GRM7: variants seen among roughly 807,000 people sequenced by gnomAD.
The protein encoded by GRM7 is metabotropic glutamate receptor 7.
In GRM7, 35 loss-of-function variants were observed where a neutral mutation model predicts 84.5. The observed-to-expected ratio is 0.41, with a 90% CI of 0.32 to 0.55. The LOEUF (loss-of-function observed/expected upper bound fraction) is 0.55, where lower values mean the gene tolerates loss of function less well. Ranked by LOEUF, GRM7 falls within the 20% of genes least tolerant of loss-of-function variation. The probability of loss-of-function intolerance (pLI) is 0.19; values close to 1 mark genes in which losing one functional copy is unlikely to be tolerated. For missense variants in GRM7, 1,003 were observed against 1,194.6 expected (o/e 0.84, Z 2.36); for synonymous variants, 487 against 455.1 (o/e 1.07, Z -0.89).
At chr3:6,925,128 T>C (rs903589114) in intron 1 of GRM7, among the ~76,000 whole-genome samples, 2 of 152,156 alleles carry the variant, frequency 1.3e-5, no homozygotes, top group Non-Finnish European at 2.9e-5. Context: ...AGACTTACTT[T>C]TGGGCAATCC....
chr3:7,257,804 T>G (rs1698264070), intron 2 of GRM7, among the ~76,000 whole-genome samples: 1 of 152,202 alleles, frequency 6.6e-6, no homozygotes, highest in Non-Finnish European at 1.5e-5. Flanking sequence ...TCCTTAACTT[T>G]TATTCCTTGG....
chr3:7,665,236 ATC>A (rs1278702093), intron 8 of GRM7, among the ~76,000 whole-genome samples: 1 of 146,790 alleles, frequency 6.8e-6, no homozygotes, highest in African/African-American at 2.6e-5. Flanking sequence ...CAGTGGCGCA[ATC>A]TCGGCTCACT....
At chr3:7,731,937 C>A (rs554087777) in intron 9 of GRM7, among the ~76,000 whole-genome samples, 2 of 152,110 alleles carry the variant, frequency 1.3e-5, no homozygotes, top group Admixed American at 6.6e-5. Context: ...TGGCCACTCC[C>A]ACCCCTTCCC....
chr3:7,215,461 T>G (rs527476187), intron 2 of GRM7, among the ~76,000 whole-genome samples: 3 of 151,932 alleles, frequency 2.0e-5, no homozygotes, highest in Non-Finnish European at 4.4e-5. Flanking sequence ...TCAGAAGATC[T>G]AGACCACCCT....
At chr3:6,923,744 G>T (rs556383732) in intron 1 of GRM7, among the ~76,000 whole-genome samples, 1 of 152,216 alleles carries the variant, frequency 6.6e-6, no homozygotes, top group South Asian at 2.1e-4. Context: ...TATTTCATTT[G>T]ATGTGTTTTT....
chr3:7,329,328 G>A (rs931985638), intron 4 of GRM7, among the ~76,000 whole-genome samples: 8 of 152,260 alleles, frequency 5.3e-5, no homozygotes, highest in Non-Finnish European at 7.4e-5. Flanking sequence ...CCTTTCAACC[G>A]TGCCTCGCCA....
intron 7 of GRM7, among the ~76,000 whole-genome samples, chr3:7,544,414 G>A (rs777162180): frequency 1.2e-4 from 19 of 152,008 alleles, no homozygotes; most frequent in South Asian, 2.1e-4. Flanking sequence ...CCTCAGCCTC[G>A]CAAAGCACCG....
rs537473005 is a variant in GRM7, at chr3:7,592,822, C to G, written c.2451+13465C>G. ...CGAGAAACCTTCACTTTCCTTCATA[C>G]CCTTAACAGACTTGTGTATATGCCA... On this transcript the variant is annotated intron_variant, in intron 8 of 9. Coordinates refer to ENST00000357716, the MANE Select transcript of GRM7 (RefSeq NM_000844.4). Among the ~76,000 whole-genome samples, 40 of 152,244 alleles carry G rather than the reference C, an allele frequency of 2.6e-4. 1 individual carries two copies. The South Asian group carries it at 7.5e-3, about 28-fold the overall frequency.
At chr3:7,437,594 G>T (rs1402488540) in intron 5 of GRM7, among the ~76,000 whole-genome samples, 1 of 151,918 alleles carries the variant, frequency 6.6e-6, no homozygotes, top group African/African-American at 2.4e-5. Context: ...AATGTTTATT[G>T]TCTCTATTAT....
At chr3:7,311,012 A>C (rs981813241) in intron 4 of GRM7, among the ~76,000 whole-genome samples, 1 of 152,036 alleles carries the variant, frequency 6.6e-6, no homozygotes, top group African/African-American at 2.4e-5. Flanking sequence ...TGTCTATTCC[A>C]CTTTGAAGCA....
chr3:6,904,481 A>G (rs1313436452), intron 1 of GRM7, among the ~76,000 whole-genome samples: 1 of 152,158 alleles, frequency 6.6e-6, no homozygotes, highest in Non-Finnish European at 1.5e-5. Context: ...TCAGCAAGCT[A>G]TATAAGACAG....
chr3:7,157,934 C>T (rs1440860695), intron 2 of GRM7, among the ~76,000 whole-genome samples: 1 of 152,122 alleles, frequency 6.6e-6, no homozygotes, highest in Non-Finnish European at 1.5e-5. Context: ...GACAGGGGCT[C>T]ATCGCACGCT....
intron 4 of GRM7, among the ~76,000 whole-genome samples, chr3:7,386,645 T>C (rs1575258290): frequency 6.6e-6 from 1 of 152,206 alleles, no homozygotes. Flanking sequence ...ATGGTGTATA[T>C]GTACCACATC....
intron 1 of GRM7, among the ~76,000 whole-genome samples, chr3:6,875,261 T>G (rs1695260095): frequency 6.6e-6 from 1 of 152,118 alleles, no homozygotes; most frequent in African/African-American, 2.4e-5. Context: ...TACCTTATTT[T>G]AACATGTGTT....
At chr3:7,240,201 A>G (rs1342459682) in intron 2 of GRM7, among the ~76,000 whole-genome samples, 3 of 126,374 alleles carry the variant, frequency 2.4e-5, no homozygotes, top group Admixed American at 1.1e-4. Context: ...AGCGGCTTCT[A>G]TAGGAGGTGT....
intron 4 of GRM7, among the ~76,000 whole-genome samples, chr3:7,307,757 C>T (rs1057507098): frequency 1.3e-5 from 2 of 152,154 alleles, no homozygotes; most frequent in African/African-American, 2.4e-5. Context: ...GAATAAAGGA[C>T]GATATTTTAA....
In GRM7 at chr3:7,010,223, G is replaced by A. The variant is rs1163173065; in HGVS notation, c.520-136229G>A. On this transcript the variant is annotated intron_variant, in intron 1 of 9. Transcript: ENST00000357716. ...CCTAGCAGTTTGGGAGGCCAAGGCA[G>A]GCAGATTGCCTGAGCTCTGGAGTTG... 2.0e-5 allele frequency among the ~76,000 whole-genome samples: 3 copies of A among 152,326 alleles called. No homozygotes were observed. In the East Asian group the frequency reaches 5.8e-4, roughly 29 times the overall value.
intron 1 of GRM7, among the ~76,000 whole-genome samples, chr3:7,029,634 T>C (rs928686880): frequency 1.3e-5 from 2 of 152,186 alleles, no homozygotes; most frequent in Non-Finnish European, 2.9e-5. Flanking sequence ...ATTCCACTTA[T>C]ATGTAATACC....
chr3:7,102,243 A>T (rs1699136446), intron 1 of GRM7, among the ~76,000 whole-genome samples: 1 of 151,498 alleles, frequency 6.6e-6, no homozygotes, highest in South Asian at 2.1e-4. Flanking sequence ...GTCTGATGAT[A>T]TTTTATTTTC....
Sources: allele counts gnomAD v4.1 joint callset (sites outside exome capture counted in the v4.1 genomes callset), GRCh38; gene constraint gnomAD v4.1.1; transcripts MANE v1.5; gene names NCBI Gene and HGNC (gene_info 2026-07-23, HGNC 2026-07-21).